EMB: variants seen among roughly 807,000 people sequenced by gnomAD.
EMB encodes the protein embigin homolog.
In EMB, 31 loss-of-function variants were observed where a neutral mutation model predicts 41.4. That is an observed-to-expected ratio of 0.75 (90% CI 0.56 to 1.01). The LOEUF is 1.01. EMB is among the 50% of genes least tolerant of loss of function. The probability of loss-of-function intolerance (pLI) is 0.00; values close to 1 mark genes in which losing one functional copy is unlikely to be tolerated. For missense variants in EMB, 379 were observed against 388.3 expected, an observed-to-expected ratio of 0.98 and a Z score of 0.20; for synonymous variants, 137 against 140.4, an observed-to-expected ratio of 0.98 and a Z score of 0.17.
chr5:50,427,497 T>C (rs1745638317), intron 2 of EMB, among the ~76,000 whole-genome samples: 1 of 150,608 alleles, frequency 6.6e-6, no homozygotes, highest in South Asian at 2.1e-4. Flanking sequence ...GACATTATTA[T>C]TATTATTATT....
rs1745195449 is a variant in EMB, at chr5:50,403,262, G to T, written c.793C>A (p.Leu265Ile). The change falls in exon 6 of 9, where the codon CTT becomes ATT. Residue 265 changes from leucine (L) to isoleucine (I), a missense_variant. By Grantham distance (5) the Leu-to-Ile change is conservative. Transcript: ENST00000303221. ...LSYLVPLKPFLVIVAEVILLV... is the reference protein window; with the variant it reads ...LSYLVPLKPFIVIVAEVILLV... ...AGAATCACCTCAGCCACTATTACAA[G>T]AAATGGTTTGAGGGGCACCAAATAG... is the stretch of plus-strand genomic sequence containing the variant. The T allele has an allele frequency of 3.1e-6, 5 of 1,612,494 alleles. No individual in the cohort carries two copies. The highest frequency in any genetic ancestry group is 4.2e-6 in the Non-Finnish European group (5 of 1,179,144).
Position 50,399,255 on chromosome 5 carries a change from C to A in EMB, c.*18G>T. On this transcript the variant is annotated 3_prime_UTR_variant, in exon 9 of 9. Transcript: ENST00000303221. ...ACTCTGTATATCTTCCAATGATTCTCGACATGATGTTTTGTATTCACTGGC... is the reference window on the plus strand; with the variant it reads ...ACTCTGTATATCTTCCAATGATTCTAGACATGATGTTTTGTATTCACTGGC... 6.2e-7 allele frequency: 1 copy of A among 1,607,750 alleles called. No individual in the cohort carries two copies. The highest frequency in any genetic ancestry group is 8.5e-7 in the Non-Finnish European group (1 of 1,176,580).
intron 1 of EMB, among the ~76,000 whole-genome samples, chr5:50,431,925 C>G (rs1745726839): frequency 6.6e-6 from 1 of 152,148 alleles, no homozygotes; most frequent in Non-Finnish European, 1.5e-5. Flanking sequence ...GCAAAATGGT[C>G]TCTACTTAAA....
At chr5:50,422,472 T>C (rs1745540525) in intron 2 of EMB, among the ~76,000 whole-genome samples, 1 of 152,190 alleles carries the variant, frequency 6.6e-6, no homozygotes. Flanking sequence ...GAACAGAGTT[T>C]GGGAACTGAA....
chr5:50,413,083 C>A (rs1326542592), intron 2 of EMB, among the ~76,000 whole-genome samples: 3 of 152,136 alleles, frequency 2.0e-5, no homozygotes, highest in Admixed American at 1.3e-4. Flanking sequence ...CACACACACA[C>A]ACTTAGGGAA....
chr5:50,440,101 T>TAC (rs1047519439), intron 1 of EMB, among the ~76,000 whole-genome samples: 5 of 151,898 alleles, frequency 3.3e-5, no homozygotes, highest in Non-Finnish European at 5.9e-5. Flanking sequence ...ATCTCACACA[T>TAC]ACACACACAC....
At chr5:50,413,138 A>G (rs1745372134) in intron 2 of EMB, among the ~76,000 whole-genome samples, 1 of 152,194 alleles carries the variant, frequency 6.6e-6, no homozygotes, top group Admixed American at 6.5e-5. Flanking sequence ...GCAAATAAAG[A>G]AAAAATATTA....
chr5:50,404,123 G>A (rs772035945), intron 5 of EMB, among the ~76,000 whole-genome samples: 1 of 151,860 alleles, frequency 6.6e-6, no homozygotes, highest in Non-Finnish European at 1.5e-5. Context: ...AGCTATTTGG[G>A]GCTGTTTTAT....
chr5:50,407,970 A>G (rs1022431235), intron 4 of EMB, among the ~76,000 whole-genome samples: 21 of 152,002 alleles, frequency 1.4e-4, no homozygotes, highest in Admixed American at 9.2e-4. Context: ...ATATTGGTTC[A>G]AAGACTTTTA....
At chr5:50,427,908 C>A (rs1449405273) in intron 2 of EMB, among the ~76,000 whole-genome samples, 2 of 152,098 alleles carry the variant, frequency 1.3e-5, no homozygotes, top group African/African-American at 4.8e-5. Flanking sequence ...TCTCAGGTAT[C>A]CATTTTCTGG....
At chr5:50,409,631 G>T (rs1745302790) in intron 4 of EMB, among the ~76,000 whole-genome samples, 1 of 151,772 alleles carries the variant, frequency 6.6e-6, no homozygotes, top group South Asian at 2.1e-4. Flanking sequence ...TCAAAAGGTG[G>T]GAGGGAAGAA....
At chr5:50,438,095 G>C (rs1745835050) in intron 1 of EMB, among the ~76,000 whole-genome samples, 1 of 152,086 alleles carries the variant, frequency 6.6e-6, no homozygotes, top group Non-Finnish European at 1.5e-5. Context: ...AACTTTCATA[G>C]ACATTTCCAA....
intron 2 of EMB, chr5:50,412,046 T>TATCTTA (rs1306334343): frequency 2.6e-5 from 4 of 152,212 alleles, no homozygotes; most frequent in East Asian, 3.9e-4. Flanking sequence ...TTATTTTGGA[T>TATCTTA]TGATTGATTA....
chr5:50,399,929 A>C lies in EMB; in HGVS notation c.912-16T>G, dbSNP rs1385444696. ...ATCTGATTTCCTGCACAGAAAACAA[A>C]AAAGAAAATTACTAAATGCTTATAT... On this transcript the variant is annotated splice_polypyrimidine_tract_variant and intron_variant, in intron 7 of 8. Coordinates refer to ENST00000303221, the MANE Select transcript of EMB (RefSeq NM_198449.3). 6.9e-6 allele frequency: 11 copies of C among 1,587,070 alleles called. No homozygotes were observed. Among genetic ancestry groups the C allele is most frequent in the Non-Finnish European group, 9.5e-6 (11 of 1,162,930 alleles).
chr5:50,432,232 AT>A lies in EMB; in HGVS notation c.113-4006del, dbSNP rs1420762297. On this transcript the variant is annotated intron_variant, in intron 1 of 8. Coordinates refer to ENST00000303221, the MANE Select transcript of EMB (RefSeq NM_198449.3). ...CTAAAGCCCCCAAAATCCCTTTATT[AT>A]ATGTTAAAATCTTGGAAGGGTCTGA... 1.4e-4 allele frequency among the ~76,000 whole-genome samples: 22 copies of A among 152,298 alleles called. No individual in the cohort carries two copies. In the East Asian group the frequency reaches 4.0e-3, roughly 28 times the overall value.
chr5:50,414,814 T>C (rs532297920), intron 2 of EMB, among the ~76,000 whole-genome samples: 2 of 152,290 alleles, frequency 1.3e-5, no homozygotes, highest in African/African-American at 4.8e-5. Context: ...TGTGCTCTAT[T>C]TCACTATCCT....
In EMB at chr5:50,396,195, A is replaced by C. The variant is rs1745062747; in HGVS notation, c.*3078T>G. ...TCAAAGTAAAAGAAGCAAATACTGAAGTTATAAAAGCTTGTTTTTCTTTAT... is the reference window on the plus strand; with the variant it reads ...TCAAAGTAAAAGAAGCAAATACTGACGTTATAAAAGCTTGTTTTTCTTTAT... On this transcript the variant is annotated 3_prime_UTR_variant, in exon 9 of 9. Coordinates refer to ENST00000303221, the MANE Select transcript of EMB (RefSeq NM_198449.3). 6.6e-6 allele frequency: 1 copy of C among 152,192 alleles called. No individual in the cohort carries two copies. Among genetic ancestry groups the C allele is most frequent in the African/African-American group, 2.4e-5 (1 of 41,448 alleles). The allele number at this position is 152,192 out of a possible 1,614,324, so 9.4% of individuals were successfully genotyped here.
Position 50,398,310 on chromosome 5 carries a change from C to T in EMB, c.*963G>A, listed in dbSNP as rs577543351. The T allele has an allele frequency of 2.0e-5, 3 of 151,874 alleles. No homozygotes were observed. The highest frequency in any genetic ancestry group is 1.9e-4 in the East Asian group (1 of 5,174). 9.4% of individuals were successfully genotyped at this position (151,874 alleles called of 1,614,324 possible). Reference sequence around the variant, plus strand: ...CCTATTTTGGAAGATAAGTCTAAGGCATTCACAGCAATAAAAAAGAAGTGC... The same window carrying T: ...CCTATTTTGGAAGATAAGTCTAAGGTATTCACAGCAATAAAAAAGAAGTGC... On this transcript the variant is annotated 3_prime_UTR_variant, in exon 9 of 9. Coordinates refer to ENST00000303221, the MANE Select transcript of EMB (RefSeq NM_198449.3).
At chr5:50,415,488 C>T (rs1321724106) in intron 2 of EMB, among the ~76,000 whole-genome samples, 1 of 152,126 alleles carries the variant, frequency 6.6e-6, no homozygotes, top group Non-Finnish European at 1.5e-5. Context: ...TTAATAAATG[C>T]CCACTTACTT....
Sources: gnomAD v4.1 joint callset for allele counts (sites outside exome capture counted in the v4.1 genomes callset) on GRCh38, gnomAD v4.1.1 for gene constraint, MANE v1.5 for transcripts, NCBI Gene and HGNC (gene_info 2026-07-23, HGNC 2026-07-21) for gene names.